The following FMN2 variants were observed in gnomAD, a reference collection of about 807,000 sequenced individuals.
FMN2 encodes formin-2.
In FMN2, 51 loss-of-function variants were observed where a neutral mutation model predicts 142.3. That is an observed-to-expected ratio of 0.36 (90% CI 0.29 to 0.45). The LOEUF (loss-of-function observed/expected upper bound fraction) is 0.45, where lower values mean the gene tolerates loss of function less well. Among genes scored for constraint, FMN2 ranks in the 20% least tolerant of loss-of-function variants. FMN2 has a pLI of 1.00. For missense variants in FMN2, 1,936 were observed against 2,122.8 expected, an observed-to-expected ratio of 0.91 and a Z score of 1.73; for synonymous variants, 882 against 869.8, an observed-to-expected ratio of 1.01 and a Z score of -0.25.
At chr1:240,434,622 C>T (rs971584223) in intron 15 of FMN2, among the ~76,000 whole-genome samples, 10 of 150,896 alleles carry the variant, frequency 6.6e-5, no homozygotes, top group African/African-American at 2.2e-4. Context: ...AGTGCAGTGA[C>T]GCTATCTCAG....
At chr1:240,339,200 C>G (rs1039946570) in intron 13 of FMN2, among the ~76,000 whole-genome samples, 1 of 152,036 alleles carries the variant, frequency 6.6e-6, no homozygotes, top group Non-Finnish European at 1.5e-5. Flanking sequence ...GGTTGAGGAC[C>G]CCTGACTTAG....
At chr1:240,431,423 T>TATATATATAC (rs1491221486) in intron 15 of FMN2, among the ~76,000 whole-genome samples, 2,037 of 130,838 alleles carry the variant, frequency 0.016, 54 homozygotes, top group African/African-American at 0.053. Context: ...TATATATATA[T>TATATATATAC]ACATATATAT....
At chr1:240,465,372 G>C (rs1040951920) in intron 16 of FMN2, among the ~76,000 whole-genome samples, 1 of 119,112 alleles carries the variant, frequency 8.4e-6, no homozygotes, top group Non-Finnish European at 1.8e-5. Flanking sequence ...GTGTGTGTGT[G>C]TGTGTGTGTG....
At position 240,279,696 on chromosome 1, in the gene FMN2, C is replaced by T. The variant is rs146014647; in HGVS notation, c.4154-15126C>T. ...TAATTAAAAGCACATCAGATAAATCCTAATATTTGAAACACCTCCCCATAT... is the reference window on the plus strand; with the variant it reads ...TAATTAAAAGCACATCAGATAAATCTTAATATTTGAAACACCTCCCCATAT... On this transcript the variant is annotated intron_variant, in intron 7 of 17. Coordinates refer to ENST00000319653, the MANE Select transcript of FMN2 (RefSeq NM_020066.5). Among the ~76,000 whole-genome samples, 11 of 152,150 alleles carry T rather than the reference C, an allele frequency of 7.2e-5. No homozygotes were observed. In the East Asian group the frequency reaches 2.1e-3, roughly 29 times the overall value.
chr1:240,158,050 C>T (rs1276967105), intron 2 of FMN2, among the ~76,000 whole-genome samples: 1 of 151,282 alleles, frequency 6.6e-6, no homozygotes, highest in Non-Finnish European at 1.5e-5. Flanking sequence ...AAGGCTGAGG[C>T]CTTCCAGGAT....
chr1:240,269,521 A>C (rs1256707835), intron 7 of FMN2, among the ~76,000 whole-genome samples: 3 of 151,790 alleles, frequency 2.0e-5, no homozygotes, highest in African/African-American at 7.2e-5. Context: ...TACTTTGGCT[A>C]TTTGGTTTTT....
At chr1:240,143,420 G>T in intron 2 of FMN2, 1 of 1,430,754 alleles carries the variant, frequency 7.0e-7, no homozygotes, top group Non-Finnish European at 9.9e-7. Flanking sequence ...GCAATCCCCA[G>T]AACAGCCACT....
rs1006198278 is a variant in FMN2, at chr1:240,367,491, G to T, written c.4858+11583G>T. Among the ~76,000 whole-genome samples, 13 of 151,804 alleles carry T rather than the reference G, an allele frequency of 8.6e-5. 1 individual carries two copies. The highest frequency in any genetic ancestry group is 8.5e-4 in the Admixed American group (13 of 15,232). On this transcript the variant is annotated intron_variant, in intron 14 of 17. Transcript: ENST00000319653. ...TTTTGCCTTATTTAAGAAATCCGGC[G>T]GGGGGCAGTGGCTCACGCCTGTAAT... is the stretch of plus-strand genomic sequence containing the variant.
At chr1:240,235,482 G>A (rs976640723) in intron 6 of FMN2, among the ~76,000 whole-genome samples, 3 of 151,224 alleles carry the variant, frequency 2.0e-5, no homozygotes, top group African/African-American at 4.9e-5. Context: ...TGTGATCATC[G>A]CTCACGACAG....
At chr1:240,320,778 G>A (rs1342881298) in intron 8 of FMN2, among the ~76,000 whole-genome samples, 1 of 152,158 alleles carries the variant, frequency 6.6e-6, no homozygotes, top group East Asian at 1.9e-4. Context: ...TTCTTTTTGA[G>A]GGGATCTGCA....
At chr1:240,276,916 C>T (rs982912764) in intron 7 of FMN2, among the ~76,000 whole-genome samples, 3 of 152,142 alleles carry the variant, frequency 2.0e-5, no homozygotes, top group African/African-American at 7.2e-5. Flanking sequence ...CTCATTTTCT[C>T]ATCAAACTTG....
intron 2 of FMN2, among the ~76,000 whole-genome samples, chr1:240,157,433 T>C (rs1364272058): frequency 6.6e-6 from 1 of 152,222 alleles, no homozygotes; most frequent in Non-Finnish European, 1.5e-5. Flanking sequence ...CTGTTATGGC[T>C]CTGCACAGCT....
intron 7 of FMN2, among the ~76,000 whole-genome samples, chr1:240,291,808 C>T (rs1325961435): frequency 1.3e-5 from 2 of 152,052 alleles, no homozygotes; most frequent in East Asian, 3.9e-4. Flanking sequence ...CTCGTTTAAC[C>T]TTGGGCTTCA....
At chr1:240,437,737 TATAGGCCCGCCACTTTCAATATGTCTC>T (rs1675448381) in intron 15 of FMN2, among the ~76,000 whole-genome samples, 1 of 152,190 alleles carries the variant, frequency 6.6e-6, no homozygotes, top group Non-Finnish European at 1.5e-5. Flanking sequence ...AGAAAGAAAG[TATAGGCCCGCCACTTTCAATATGTCTC>T]ATCTTGATGA....
At chr1:240,167,847 C>T (rs933770107) in intron 2 of FMN2, among the ~76,000 whole-genome samples, 2 of 151,922 alleles carry the variant, frequency 1.3e-5, no homozygotes, top group Admixed American at 1.3e-4. Flanking sequence ...GAGGCCGAGG[C>T]GAGTGGATCG....
At chr1:240,392,482 C>T in intron 14 of FMN2, 29 bp from the exon 15 acceptor site, 3 of 1,594,790 alleles carry the variant, frequency 1.9e-6, no homozygotes, top group Non-Finnish European at 2.6e-6. Flanking sequence ...TCATTTATCT[C>T]ATGTACTTTT....
At chr1:240,307,626 G>A (rs1466655492) in intron 8 of FMN2, among the ~76,000 whole-genome samples, 1 of 152,190 alleles carries the variant, frequency 6.6e-6, no homozygotes, top group Non-Finnish European at 1.5e-5. Flanking sequence ...GTACCATGCT[G>A]TTTTGGTAAC....
chr1:240,099,188 TA>T (rs908521505), intron 1 of FMN2, among the ~76,000 whole-genome samples: 4 of 151,112 alleles, frequency 2.6e-5, no homozygotes, highest in South Asian at 4.2e-4. Context: ...TTTATTATCT[TA>T]AAAAAAAAGT....
At chr1:240,221,503 A>T (rs1335369675) in intron 6 of FMN2, among the ~76,000 whole-genome samples, 1 of 152,096 alleles carries the variant, frequency 6.6e-6, no homozygotes, top group Non-Finnish European at 1.5e-5. Context: ...TTTATTGGCC[A>T]CATAAATGTC....
Sources: allele counts gnomAD v4.1 joint callset (sites outside exome capture counted in the v4.1 genomes callset), GRCh38; gene constraint gnomAD v4.1.1; transcripts MANE v1.5; gene names NCBI Gene and HGNC (gene_info 2026-07-23, HGNC 2026-07-21).